Variants in FRAS1 observed in about 807,000 individuals in gnomAD.
FRAS1 encodes extracellular matrix organizing protein FRAS1.
In FRAS1, 290 loss-of-function variants were observed where a neutral mutation model predicts 435.2. The observed-to-expected ratio is 0.67, with a 90% CI of 0.61 to 0.73. FRAS1 has a LOEUF of 0.73. FRAS1 is among the 30% of genes least tolerant of loss of function. The pLI is 0.00. For missense variants in FRAS1, 4,860 were observed against 5,001.5 expected, an observed-to-expected ratio of 0.97 and a Z score of 0.85; for synonymous variants, 1,800 against 1,851.0, an observed-to-expected ratio of 0.97 and a Z score of 0.71.
chr4:78,065,058 G>GTATATATATATATATATA (rs34023994), intron 1 of FRAS1, among the ~76,000 whole-genome samples: 6 of 119,882 alleles, frequency 5.0e-5, no homozygotes, highest in East Asian at 2.4e-4. Flanking sequence ...GTTTTATAGT[G>GTATATATATATATATATA]TATATATATA....
chr4:78,248,632 G>GGATGTA (rs1263565547), intron 4 of FRAS1, among the ~76,000 whole-genome samples: 1 of 152,138 alleles, frequency 6.6e-6, no homozygotes, highest in African/African-American at 2.4e-5. Context: ...TCAAAGTAGA[G>GGATGTA]GATGTAATTA....
chr4:78,472,235 A>G lies in FRAS1; in HGVS notation c.7427A>G (p.Asp2476Gly). ...CTGACCATGGACCCAGACACCGAGG[A>G]CGCGCAGCTTGTCTATGAGATAACG... is the stretch of plus-strand genomic sequence containing the variant. ...ELLTMDPDTE[D>G]AQLVYEITTG... Residue 2476 changes from aspartate (D) to glycine (G), a missense_variant, in exon 52 of 74, where the codon GAC (aspartate) becomes GGC (glycine). By Grantham distance (94) the Asp-to-Gly change is moderately conservative. Coordinates refer to ENST00000512123, the MANE Select transcript of FRAS1 (RefSeq NM_025074.7). The G allele has an allele frequency of 6.2e-7, 1 of 1,613,920 alleles. No individual in the cohort carries two copies. Among genetic ancestry groups the G allele is most frequent in the Non-Finnish European group, 8.5e-7 (1 of 1,179,826 alleles).
intron 9 of FRAS1, among the ~76,000 whole-genome samples, chr4:78,277,504 A>C (rs188544024): frequency 9.0e-4 from 137 of 152,266 alleles, no homozygotes; most frequent in Non-Finnish European, 1.3e-3. Flanking sequence ...GAAAGTGAAA[A>C]GTACTTTAAA....
chr4:78,284,324 T>C (rs777446631), intron 12 of FRAS1, 81 bp from the exon 13 acceptor site: 6 of 1,414,844 alleles, frequency 4.2e-6, no homozygotes, highest in Non-Finnish European at 5.9e-6. Context: ...CTACATACTT[T>C]GTAGATTCTT....
At position 78,521,009 on chromosome 4, in the gene FRAS1, G is replaced by C. The variant is rs72871374; in HGVS notation, c.10541-514G>C. Among the ~76,000 whole-genome samples, 976 of 152,274 alleles carry C rather than the reference G, an allele frequency of 6.4e-3. 9 individuals carry two copies. The highest frequency in any genetic ancestry group is 0.022 in the African/African-American group (917 of 41,552). On this transcript the variant is annotated intron_variant, in intron 67 of 73. Transcript: ENST00000512123. ...TCTTTCTGAACTCACTGGGGACCAT[G>C]ACTACAATTTCCTTTATTAAAGCCA...
At chr4:78,535,354 G>C (rs1461066769) in intron 71 of FRAS1, among the ~76,000 whole-genome samples, 1 of 152,100 alleles carries the variant, frequency 6.6e-6, no homozygotes, top group Admixed American at 6.5e-5. Flanking sequence ...CATAGGATTT[G>C]ACCTCATCCT....
intron 46 of FRAS1, 123 bp from the exon 47 acceptor site, chr4:78,452,052 G>C: frequency 8.0e-7 from 1 of 1,248,766 alleles, no homozygotes; most frequent in Non-Finnish European, 1.1e-6. Flanking sequence ...CTGGCTCCTT[G>C]GTGTGCTCTC....
In FRAS1 at chr4:78,469,189, G is replaced by A. The variant is rs115600378; in HGVS notation, c.7258-789G>A. ...AAATGTTACAACAGGTCTCTGGAGG[G>A]ACGATGTCATTTAAAAAATGGAAAT... On this transcript the variant is annotated intron_variant, in intron 50 of 73. Coordinates refer to ENST00000512123, the MANE Select transcript of FRAS1 (RefSeq NM_025074.7). Among the ~76,000 whole-genome samples the A allele has an allele frequency of 9.8e-3, 1,488 of 152,308 alleles. 16 individuals carry two copies. The highest frequency in any genetic ancestry group is 0.034 in the African/African-American group (1,420 of 41,560).
intron 6 of FRAS1, among the ~76,000 whole-genome samples, chr4:78,257,556 T>C (rs1253309337): frequency 6.6e-6 from 1 of 152,202 alleles, no homozygotes. Context: ...TTATTTTTAT[T>C]TTTTAAGTTT....
chr4:78,283,529 C>G (rs1011376885), intron 12 of FRAS1, among the ~76,000 whole-genome samples: 1 of 152,210 alleles, frequency 6.6e-6, no homozygotes, highest in African/African-American at 2.4e-5. Flanking sequence ...TTGGCAGGCA[C>G]TGGAGTTGCT....
intron 35 of FRAS1, among the ~76,000 whole-genome samples, chr4:78,426,643 C>A (rs1241065601): frequency 6.6e-6 from 1 of 152,118 alleles, no homozygotes; most frequent in Non-Finnish European, 1.5e-5. Context: ...GACTTTAGGA[C>A]AAATGCAGAA....
At chr4:78,535,320 A>G (rs1234019101) in intron 71 of FRAS1, among the ~76,000 whole-genome samples, 2 of 151,270 alleles carry the variant, frequency 1.3e-5, no homozygotes, top group African/African-American at 2.4e-5. Context: ...AACTTCTTAC[A>G]CTCCTACTGT....
chr4:78,539,554 T>C, intron 73 of FRAS1, 114 bp downstream of exon 73: 1 of 1,034,372 alleles, frequency 9.7e-7, no homozygotes, highest in Non-Finnish European at 1.4e-6. Flanking sequence ...ATTCTGCCAT[T>C]CTTGCTGGCA....
At chr4:78,369,170 A>C (rs1731398605) in intron 22 of FRAS1, among the ~76,000 whole-genome samples, 1 of 152,228 alleles carries the variant, frequency 6.6e-6, no homozygotes, top group Admixed American at 6.5e-5. Flanking sequence ...AATAGGATCC[A>C]GTGAGTAACT....
intron 2 of FRAS1, among the ~76,000 whole-genome samples, chr4:78,121,304 C>T (rs997343629): frequency 1.3e-5 from 2 of 152,162 alleles, no homozygotes; most frequent in Non-Finnish European, 2.9e-5. Context: ...TGGTCTGGTG[C>T]CTGACTGATG....
intron 35 of FRAS1, among the ~76,000 whole-genome samples, chr4:78,424,870 G>C (rs999371836): frequency 2.0e-5 from 3 of 151,952 alleles, no homozygotes; most frequent in African/African-American, 7.2e-5. Context: ...GTCAAGGCTA[G>C]AGTGAGCTAT....
At chr4:78,487,715 A>G (rs1250954583) in intron 58 of FRAS1, among the ~76,000 whole-genome samples, 1 of 152,310 alleles carries the variant, frequency 6.6e-6, no homozygotes, top group East Asian at 1.9e-4. Context: ...AGTTCTCACT[A>G]TAAACCAGAT....
At chr4:78,158,722 C>A (rs973897068) in intron 2 of FRAS1, among the ~76,000 whole-genome samples, 13 of 152,096 alleles carry the variant, frequency 8.5e-5, no homozygotes, top group African/African-American at 2.7e-4. Flanking sequence ...CACTTGGGTT[C>A]TTTTGATTTC....
chr4:78,312,879 G>GAGAGAGAGAGAGAGAAAGAAAGAAAGAA (rs143465313), intron 15 of FRAS1, among the ~76,000 whole-genome samples: 1 of 129,072 alleles, frequency 7.7e-6, no homozygotes, highest in Non-Finnish European at 1.7e-5. Flanking sequence ...GAGAGAGAGA[G>GAGAGAGAGAGAGAGAAAGAAAGAAAGAA]AGAAAGAAAG....
Sources: allele counts gnomAD v4.1 joint callset (sites outside exome capture counted in the v4.1 genomes callset), GRCh38; gene constraint gnomAD v4.1.1; transcripts MANE v1.5; gene names NCBI Gene and HGNC (gene_info 2026-07-23, HGNC 2026-07-21).